ZNF804B: variants seen among roughly 807,000 people sequenced by gnomAD.
ZNF804B encodes the protein zinc finger protein 804B, also known as zinc finger 804B.
ZNF804B carries 80 observed loss-of-function variants against 101.4 expected under a neutral mutation model. The ratio of observed to expected loss-of-function variants is 0.79; its 90% CI spans 0.66 to 0.95. The LOEUF is 0.95. ZNF804B is among the 40% of genes least tolerant of loss of function. ZNF804B has a pLI of 0.00. For missense variants in ZNF804B, 1,673 were observed against 1,561.9 expected (o/e 1.07, Z -1.20); for synonymous variants, 622 against 558.8 (o/e 1.11, Z -1.59).
chr7:89,050,428 G>A (rs1359928431), intron 1 of ZNF804B, among the ~76,000 whole-genome samples: 1 of 152,052 alleles, frequency 6.6e-6, no homozygotes, highest in Non-Finnish European at 1.5e-5. Flanking sequence ...AATTCAAACG[G>A]GGAATTGGCA....
At chr7:88,796,846 C>T (rs148391934) in intron 1 of ZNF804B, among the ~76,000 whole-genome samples, 8 of 152,202 alleles carry the variant, frequency 5.3e-5, no homozygotes, top group African/African-American at 1.9e-4. Context: ...GGCTTTCCTT[C>T]TGAGCTTACC....
chr7:89,203,591 A>G (rs936772254), intron 1 of ZNF804B, among the ~76,000 whole-genome samples: 1 of 152,080 alleles, frequency 6.6e-6, no homozygotes, highest in African/African-American at 2.4e-5. Context: ...GTATTCTCTA[A>G]GTTTGAAATT....
Position 89,333,811 on chromosome 7 carries a change from A to G in ZNF804B, c.829A>G (p.Lys277Glu), listed in dbSNP as rs1452295220. ...TGCAAATAAAGATACACACCTTACC[A>G]AGGAAAAAGAGGTAAATATCTCACC... is the stretch of plus-strand genomic sequence containing the variant. ...RFANKDTHLT[K>E]EKEVNISPSH... The change falls in exon 4 of 4, where the codon AAG (lysine) becomes GAG (glutamate). Residue 277 changes from lysine (K) to glutamate (E), a missense_variant. Lys to Glu is a moderately conservative substitution (Grantham distance 56). Coordinates refer to ENST00000333190, the MANE Select transcript of ZNF804B (RefSeq NM_181646.5). 6.2e-7 allele frequency: 1 copy of G among 1,613,480 alleles called. No individual in the cohort carries two copies. The highest frequency in any genetic ancestry group is 8.5e-7 in the Non-Finnish European group (1 of 1,179,726).
At chr7:89,264,492 C>T (rs1006915378) in intron 2 of ZNF804B, among the ~76,000 whole-genome samples, 7 of 152,176 alleles carry the variant, frequency 4.6e-5, no homozygotes, top group African/African-American at 1.7e-4. Context: ...ATTGCCCTCA[C>T]TTTGATATTT....
chr7:89,151,723 A>G (rs575153138), intron 1 of ZNF804B, among the ~76,000 whole-genome samples: 1 of 152,082 alleles, frequency 6.6e-6, no homozygotes, highest in Non-Finnish European at 1.5e-5. Context: ...AATTTTCCTG[A>G]AAGTGAGTGG....
chr7:88,962,705 T>TCA (rs1793402759), intron 1 of ZNF804B, among the ~76,000 whole-genome samples: 1 of 62,452 alleles, frequency 1.6e-5, no homozygotes. Flanking sequence ...GTTGTTAAAC[T>TCA]CACATATATA....
intron 1 of ZNF804B, among the ~76,000 whole-genome samples, chr7:89,209,352 A>G (rs1788768498): frequency 6.6e-6 from 1 of 152,160 alleles, no homozygotes; most frequent in Admixed American, 6.5e-5. Flanking sequence ...CTGACATCAC[A>G]CCTTACCTGG....
At chr7:88,868,056 T>A (rs1460336586) in intron 1 of ZNF804B, among the ~76,000 whole-genome samples, 1 of 140,512 alleles carries the variant, frequency 7.1e-6, no homozygotes, top group African/African-American at 2.6e-5. Flanking sequence ...TGAGTGTGTG[T>A]GTGTGTGTGT....
intron 1 of ZNF804B, among the ~76,000 whole-genome samples, chr7:89,021,187 A>T (rs1479931898): frequency 6.6e-6 from 1 of 152,152 alleles, no homozygotes; most frequent in Non-Finnish European, 1.5e-5. Flanking sequence ...TTCTAGGTGG[A>T]TGCAGTAGTG....
intron 2 of ZNF804B, among the ~76,000 whole-genome samples, chr7:89,303,389 G>A (rs566231633): frequency 5.3e-5 from 8 of 151,942 alleles, no homozygotes; most frequent in African/African-American, 9.6e-5. Flanking sequence ...TGGCAATGTC[G>A]TGATTCCAAG....
At position 89,334,344 on chromosome 7, in the gene ZNF804B, T is replaced by C. The variant is rs1238882095; in HGVS notation, c.1362T>C (p.Thr454=). The C allele has an allele frequency of 3.7e-6, 6 of 1,613,852 alleles. No individual in the cohort carries two copies. Among genetic ancestry groups the C allele is most frequent in the South Asian group, 3.3e-5 (3 of 91,086 alleles). Residue 454 remains threonine (T), a synonymous_variant, in exon 4 of 4, where the codon ACT becomes ACC. Coordinates refer to ENST00000333190, the MANE Select transcript of ZNF804B (RefSeq NM_181646.5). ...LHVQSKDGHT[T]LQWPTELLLF... is the part of the protein sequence containing the mutation. Reference sequence around the variant, plus strand: ...TTCAAAGCAAGGATGGCCACACCACTCTTCAATGGCCTACGGAACTTCTGC... The same window carrying C: ...TTCAAAGCAAGGATGGCCACACCACCCTTCAATGGCCTACGGAACTTCTGC...
intron 1 of ZNF804B, among the ~76,000 whole-genome samples, chr7:89,199,086 A>G (rs1788595041): frequency 6.6e-6 from 1 of 151,812 alleles, no homozygotes; most frequent in African/African-American, 2.4e-5. Flanking sequence ...CAGCACAAAG[A>G]CTGGCCCCAC....
intron 1 of ZNF804B, among the ~76,000 whole-genome samples, chr7:88,930,658 G>A (rs1206256892): frequency 6.6e-6 from 1 of 151,860 alleles, no homozygotes; most frequent in Non-Finnish European, 1.5e-5. Context: ...TGTGGTAGTT[G>A]ATAAGAAAGA....
chr7:88,781,146 A>G, intron 1 of ZNF804B, among the ~76,000 whole-genome samples: 1 of 152,238 alleles, frequency 6.6e-6, no homozygotes, highest in East Asian at 1.9e-4. Flanking sequence ...TCGTATGTAT[A>G]TTAAGCCATT....
intron 1 of ZNF804B, among the ~76,000 whole-genome samples, chr7:88,957,894 A>G (rs1793333994): frequency 1.3e-5 from 2 of 149,880 alleles, no homozygotes; most frequent in Non-Finnish European, 3.0e-5. Flanking sequence ...CTTCATTTAT[A>G]TAAATACGAG....
intron 1 of ZNF804B, among the ~76,000 whole-genome samples, chr7:89,079,268 A>AT (rs200562266): frequency 6.6e-5 from 10 of 151,036 alleles, no homozygotes; most frequent in South Asian, 2.1e-4. Flanking sequence ...TTACATGGTC[A>AT]TTTTTTTTTC....
At chr7:89,273,869 A>T (rs2115846026) in intron 2 of ZNF804B, among the ~76,000 whole-genome samples, 1 of 152,292 alleles carries the variant, frequency 6.6e-6, no homozygotes, top group South Asian at 2.1e-4. Context: ...ATGAGTTTAC[A>T]TGTTTGGAAA....
rs187741086 is a variant in ZNF804B, at chr7:88,879,814, G to A, written c.108+119730G>A. Among the ~76,000 whole-genome samples the A allele has an allele frequency of 5.3e-5, 8 of 152,196 alleles. No individual in the cohort carries two copies. In the East Asian group the frequency reaches 1.2e-3, roughly 22 times the overall value. On this transcript the variant is annotated intron_variant, in intron 1 of 3. Transcript: ENST00000333190. ...AGCACTTTGAGAGGCTGAGGCAGGC[G>A]GATTGCTTGAGCTCAGAAGTTAGAG...
At chr7:88,987,310 C>G (rs1247446303) in intron 1 of ZNF804B, among the ~76,000 whole-genome samples, 1 of 152,012 alleles carries the variant, frequency 6.6e-6, no homozygotes, top group East Asian at 1.9e-4. Flanking sequence ...CTCCAAGTAC[C>G]AGAAAGAAAA....
Sources: allele counts gnomAD v4.1 joint callset (sites outside exome capture counted in the v4.1 genomes callset), GRCh38; gene constraint gnomAD v4.1.1; transcripts MANE v1.5; gene names NCBI Gene and HGNC (gene_info 2026-07-23, HGNC 2026-07-21).